The following PCDH15 variants were observed in gnomAD, a reference collection of about 807,000 sequenced individuals.
PCDH15 encodes the protein protocadherin-15.
Under a neutral mutation model 178.5 loss-of-function variants are expected in PCDH15, and 129 were observed. The observed-to-expected ratio is 0.72, with a 90% CI of 0.63 to 0.84. The LOEUF (loss-of-function observed/expected upper bound fraction) is 0.84. Ranked by LOEUF, PCDH15 falls within the 40% of genes least tolerant of loss-of-function variation. The pLI, the probability that PCDH15 is intolerant of heterozygous loss-of-function variation, is 0.00. For synonymous variants in PCDH15, 800 were observed against 732.0 expected, an observed-to-expected ratio of 1.09 and a Z score of -1.50; for missense variants, 2,230 against 2,099.9, an observed-to-expected ratio of 1.06 and a Z score of -1.21.
At chr10:54,378,567 T>C (rs1472165947) in intron 4 of PCDH15, among the ~76,000 whole-genome samples, 1 of 152,082 alleles carries the variant, frequency 6.6e-6, no homozygotes, top group African/African-American at 2.4e-5. Context: ...TTGACAAGCT[T>C]CCAGGATATT....
chr10:54,313,249 T>G (rs2061018982), intron 8 of PCDH15, among the ~76,000 whole-genome samples: 1 of 152,106 alleles, frequency 6.6e-6, no homozygotes, highest in African/African-American at 2.4e-5. Context: ...GCATAAAAAA[T>G]TTCCTGACTT....
chr10:54,066,861 C>A lies in PCDH15; in HGVS notation c.2116G>T (p.Val706Leu). ...DGTSTATVNI[V>L]VTDVNDNAPV... ...GCATTGTCATTGACATCTGTCACCA[C>A]TATGTTTACTGTGGCAGTTGAGGTC... The change falls in exon 18 of 38, where the codon GTG (valine) becomes TTG (leucine). Residue 706 changes from valine to leucine, a missense_variant. By Grantham distance (32) the Val-to-Leu change is conservative. Transcript: ENST00000644397. 6.2e-7 allele frequency: 1 copy of A among 1,613,380 alleles called. No individual in the cohort carries two copies. The highest frequency in any genetic ancestry group is 8.5e-7 in the Non-Finnish European group (1 of 1,179,556).
At chr10:53,958,775 C>G (rs575390710) in intron 23 of PCDH15, among the ~76,000 whole-genome samples, 2 of 151,740 alleles carry the variant, frequency 1.3e-5, no homozygotes, top group Non-Finnish European at 2.9e-5. Context: ...GGTCAGAGAT[C>G]GAGACCATCC....
At chr10:55,529,759 ATAT>A (rs1185397001) in intron 2 of PCDH15, among the ~76,000 whole-genome samples, 1 of 133,380 alleles carries the variant, frequency 7.5e-6, no homozygotes, top group Non-Finnish European at 1.6e-5. Context: ...ATATATATAT[ATAT>A]ATATATATAT....
rs76269799 is a variant in PCDH15, at chr10:55,401,861, A to T, written c.-156+225764T>A. On this transcript the variant is annotated intron_variant, in intron 2 of 5. Coordinates refer to the PCDH15 transcript ENST00000613346. ...ATGGAAATTAAGAGCTACAGTTCTCATTAAAACGTTTAATTTTAAACAAGG... is the reference window on the plus strand; with the variant it reads ...ATGGAAATTAAGAGCTACAGTTCTCTTTAAAACGTTTAATTTTAAACAAGG... 2.2e-3 allele frequency among the ~76,000 whole-genome samples: 333 copies of T among 152,210 alleles called. 4 individuals carry two copies. In the East Asian group the frequency reaches 0.051, roughly 23 times the overall value.
chr10:55,461,176 C>T (rs1171236831), intron 2 of PCDH15, among the ~76,000 whole-genome samples: 1 of 152,048 alleles, frequency 6.6e-6, no homozygotes, highest in South Asian at 2.1e-4. Context: ...GCTTTCTCTC[C>T]GTATGGCCTT....
intron 2 of PCDH15, among the ~76,000 whole-genome samples, chr10:55,580,227 T>A (rs1020570461): frequency 6.6e-6 from 1 of 152,236 alleles, no homozygotes; most frequent in African/African-American, 2.4e-5. Flanking sequence ...TTCATTTTCT[T>A]AACTATTTTC....
chr10:54,125,296 A>G (rs115404084), intron 15 of PCDH15, among the ~76,000 whole-genome samples: 2,022 of 152,246 alleles, frequency 0.013, 42 homozygotes, highest in African/African-American at 0.044. Context: ...CAGGAAAAGG[A>G]AAGAGAATCA....
At chr10:54,855,379 G>T (rs1210317586) in intron 3 of PCDH15, among the ~76,000 whole-genome samples, 1 of 152,192 alleles carries the variant, frequency 6.6e-6, no homozygotes, top group Non-Finnish European at 1.5e-5. Context: ...TTGGGCAGCT[G>T]CAGAGGCACC....
chr10:55,407,573 G>C (rs559981228), intron 2 of PCDH15, among the ~76,000 whole-genome samples: 1 of 152,154 alleles, frequency 6.6e-6, no homozygotes, highest in Non-Finnish European at 1.5e-5. Flanking sequence ...TGAATCTTAG[G>C]GGAGATTTTC....
At chr10:55,315,758 CTG>C (rs1843708489) in intron 1 of PCDH15, among the ~76,000 whole-genome samples, 1 of 152,180 alleles carries the variant, frequency 6.6e-6, no homozygotes, top group Admixed American at 6.5e-5. Flanking sequence ...TGGCTCCTGC[CTG>C]CAATCCCAGC....
At chr10:55,485,935 T>C (rs1210486642) in intron 2 of PCDH15, among the ~76,000 whole-genome samples, 1 of 151,636 alleles carries the variant, frequency 6.6e-6, no homozygotes, top group Non-Finnish European at 1.5e-5. Flanking sequence ...ACAGAACCAA[T>C]CCGTAATAAA....
intron 2 of PCDH15, among the ~76,000 whole-genome samples, chr10:55,069,160 C>T (rs1326704442): frequency 2.0e-5 from 3 of 151,558 alleles, no homozygotes; most frequent in Non-Finnish European, 4.4e-5. Context: ...CCCACCTTGG[C>T]CTCTCAAAGT....
At chr10:54,309,727 C>T (rs1312234930) in intron 8 of PCDH15, among the ~76,000 whole-genome samples, 1 of 151,532 alleles carries the variant, frequency 6.6e-6, no homozygotes, top group Non-Finnish European at 1.5e-5. Flanking sequence ...ACACAGGAGG[C>T]ATAGGTTGCA....
At chr10:55,546,928 G>A (rs961456944) in intron 2 of PCDH15, among the ~76,000 whole-genome samples, 4 of 151,982 alleles carry the variant, frequency 2.6e-5, no homozygotes, top group Non-Finnish European at 4.4e-5. Flanking sequence ...CCATGAGGCA[G>A]GTCTGATACC....
At chr10:54,963,352 A>C (rs564770653) in intron 2 of PCDH15, among the ~76,000 whole-genome samples, 1 of 150,260 alleles carries the variant, frequency 6.7e-6, no homozygotes, top group Non-Finnish European at 1.5e-5. Context: ...TTTTTTTACT[A>C]TTTTAATGGA....
At chr10:54,388,850 A>G (rs1297237922) in intron 3 of PCDH15, among the ~76,000 whole-genome samples, 1 of 152,196 alleles carries the variant, frequency 6.6e-6, no homozygotes, top group Non-Finnish European at 1.5e-5. Context: ...ATTTATCCAT[A>G]TAAGGACCCT....
chr10:54,512,518 A>G (rs1426558874), intron 3 of PCDH15, among the ~76,000 whole-genome samples: 2 of 152,084 alleles, frequency 1.3e-5, no homozygotes, highest in East Asian at 3.9e-4. Context: ...AGAAAGGGTT[A>G]TCAAAATTTA....
intron 1 of PCDH15, among the ~76,000 whole-genome samples, chr10:55,238,173 A>C (rs1592011191): frequency 8.2e-6 from 1 of 121,852 alleles, no homozygotes; most frequent in Non-Finnish European, 1.6e-5. Context: ...TTTGAGACGG[A>C]GTCTCCCTCT....
Sources: gnomAD v4.1 joint callset for allele counts (sites outside exome capture counted in the v4.1 genomes callset) on GRCh38, gnomAD v4.1.1 for gene constraint, MANE v1.5 for transcripts, NCBI Gene and HGNC (gene_info 2026-07-23, HGNC 2026-07-21) for gene names.